ARSL: variants seen among roughly 807,000 people sequenced by gnomAD.
ARSL encodes the protein arylsulfatase L.
A neutral mutation model predicts 31.1 loss-of-function variants in ARSL; 4 were observed. That is an observed-to-expected ratio of 0.13 (90% CI 0.06 to 0.29). The LOEUF (loss-of-function observed/expected upper bound fraction) is 0.29. Among genes scored for constraint, ARSL ranks in the 10% least tolerant of loss-of-function variants. The pLI is 1.00. For synonymous variants in ARSL, 198 were observed against 209.9 expected, an observed-to-expected ratio of 0.94 and a Z score of 0.49; for missense variants, 312 against 497.8, an observed-to-expected ratio of 0.63 and a Z score of 3.55.
rs138895554 is a variant in ARSL at position 2,949,138 on chromosome X, C to T, written c.854+166G>A. The stretch of plus-strand genomic sequence containing the variant: ...TAGAGACGGGGTTTCACCATGTTGG[C>T]CAGGCTGGTCTCGAACTCCTGACCT... On this transcript the variant is annotated intron_variant, in intron 6 of 10. Coordinates refer to ENST00000381134, the MANE Select transcript of ARSL (RefSeq NM_000047.3). Among the ~76,000 whole-genome samples the T allele has an allele frequency of 0.012, 1,308 of 110,472 alleles. 23 individuals carry two copies. The highest frequency in any genetic ancestry group is 0.04 in the African/African-American group (1,220 of 30,336).
chrX:2,960,392 A>G lies in ARSL; in HGVS notation c.9T>C (p.His3=), dbSNP rs764036614. The G allele has an allele frequency of 8.4e-7, 1 of 1,195,762 alleles. No individual in the cohort carries two copies. The highest frequency in any genetic ancestry group is 1.1e-6 in the Non-Finnish European group (1 of 883,279). ML[H]LHHSCLCFRS... Reference sequence around the variant, plus strand: ...TTGTATCTTACCAAGAATGGTGCAGATGTAACATGTTGTCTCTCTCTCTAC... The same window carrying G: ...TTGTATCTTACCAAGAATGGTGCAGGTGTAACATGTTGTCTCTCTCTCTAC... The change falls in exon 2 of 11, where the codon CAT becomes CAC. Residue 3 remains histidine (H), a synonymous_variant. Coordinates refer to ENST00000381134, the MANE Select transcript of ARSL (RefSeq NM_000047.3).
intron 7 of ARSL, among the ~76,000 whole-genome samples, chrX:2,945,188 G>A (rs1374938619): frequency 1.8e-5 from 2 of 111,056 alleles, no homozygotes; most frequent in African/African-American, 6.6e-5. Context: ...AAGCATTCCA[G>A]GAGGGAACAG....
intron 4 of ARSL, among the ~76,000 whole-genome samples, chrX:2,955,073 T>C (rs2147393264): frequency 8.9e-6 from 1 of 111,997 alleles, no homozygotes; most frequent in East Asian, 2.8e-4. Flanking sequence ...GTTTGGTTTA[T>C]GCATGAAAGG....
chrX:2,944,204 C>A (rs1359762005), intron 7 of ARSL, among the ~76,000 whole-genome samples: 1 of 108,195 alleles, frequency 9.2e-6, no homozygotes, highest in East Asian at 2.9e-4. Flanking sequence ...CCCTGTAATC[C>A]CAGCACTTTG....
upstream of ARSL, among the ~76,000 whole-genome samples, chrX:2,964,978 GTC>G (rs2089685715): frequency 7.3e-5 from 8 of 109,645 alleles, no homozygotes; most frequent in South Asian, 3.2e-3. Context: ...GGTGGCATGT[GTC>G]TCTACTGCCA....
At chrX:2,937,088 C>T (rs1485733884) in intron 9 of ARSL, among the ~76,000 whole-genome samples, 1 of 112,236 alleles carries the variant, frequency 8.9e-6, no homozygotes. Context: ...CCAAACGTCA[C>T]CTTTGGCTAA....
At chrX:2,944,475 A>AAAAAAAC (rs1179778011) in intron 7 of ARSL, among the ~76,000 whole-genome samples, 4 of 31,858 alleles carry the variant, frequency 1.3e-4, no homozygotes. Flanking sequence ...AAAAAAAACA[A>AAAAAAAC]AAAAAAAAAA....
At chrX:2,937,813 G>T (rs1382027563) in intron 9 of ARSL, among the ~76,000 whole-genome samples, 1 of 111,875 alleles carries the variant, frequency 8.9e-6, no homozygotes, top group East Asian at 2.8e-4. Context: ...TGGACATACA[G>T]CTTAGAAGGT....
intron 7 of ARSL, 151 bp downstream of exon 7, chrX:2,945,847 A>T (rs2089371359): frequency 1.4e-6 from 1 of 737,417 alleles, no homozygotes; most frequent in East Asian, 3.4e-5. Flanking sequence ...TGCAGTGAAG[A>T]TCTGTGCTAT....
intron 1 of ARSL, among the ~76,000 whole-genome samples, chrX:2,960,715 T>C (rs1377876841): frequency 9.0e-6 from 1 of 111,397 alleles, no homozygotes; most frequent in African/African-American, 3.3e-5. Flanking sequence ...TTATCAGCTT[T>C]CATAGCCCAT....
rs2089171056 is a variant in ARSL, at chrX:2,934,591, T to C, written c.*241A>G. The C allele has an allele frequency of 2.7e-6, 1 of 367,972 alleles. No individual in the cohort carries two copies. Among genetic ancestry groups the C allele is most frequent in the Middle Eastern group, 7.4e-4 (1 of 1,345 alleles). The allele number at this position is 367,972 out of a possible 1,213,427, so 30.3% of individuals were successfully genotyped here. A position where few individuals can be genotyped will look rare whatever the true frequency, so the allele number is the denominator to read the frequency against. ...CCGGTGCTCAAATGATCCTCCTGCCTTAGCCTCCTGAGAAGCTAGAACTAC... is the reference window on the plus strand; with the variant it reads ...CCGGTGCTCAAATGATCCTCCTGCCCTAGCCTCCTGAGAAGCTAGAACTAC... On this transcript the variant is annotated 3_prime_UTR_variant, in exon 11 of 11. Transcript: ENST00000381134.
intron 1 of ARSL, among the ~76,000 whole-genome samples, chrX:2,961,805 G>C (rs180960257): frequency 9.1e-5 from 10 of 109,477 alleles, no homozygotes; most frequent in Admixed American, 3.9e-4. Flanking sequence ...AATAACCTTG[G>C]TCTCCACAAT....
chrX:2,946,245 C>T (rs1345669298), intron 6 of ARSL, 111 bp from the exon 7 acceptor site: 1 of 677,422 alleles, frequency 1.5e-6, no homozygotes, highest in Non-Finnish European at 2.2e-6. Flanking sequence ...CAAATGTCTT[C>T]TCAACTCTGC....
At chrX:2,952,961 A>T in intron 5 of ARSL, 182 bp downstream of exon 5, 1 of 453,023 alleles carries the variant, frequency 2.2e-6, no homozygotes, top group Non-Finnish European at 3.5e-6. Context: ...CTGAGCTGGT[A>T]TTTCTTGAGT....
Position 2,964,254 on chromosome X carries a change from G to A in ARSL, c.-51C>T, listed in dbSNP as rs1233343216. On this transcript the variant is annotated 5_prime_UTR_variant, in exon 1 of 11. Transcript: ENST00000381134. ...CTCCTGGGCTCCTTCCTGAATCCCC[G>A]ATCAAGAAGAGGAAGGTTCTCTCCC... 3 of 752,186 alleles carry A rather than the reference G, an allele frequency of 4.0e-6. No homozygotes were observed. Among genetic ancestry groups the A allele is most frequent in the Non-Finnish European group, 4.7e-6 (3 of 638,961 alleles). The allele number at this position is 752,186 out of a possible 1,213,427, so 62.0% of individuals were successfully genotyped here. A position where few individuals can be genotyped will look rare whatever the true frequency, so the allele number is the denominator to read the frequency against.
chrX:2,938,953 A>T (rs1013221001), intron 8 of ARSL, among the ~76,000 whole-genome samples: 2 of 107,898 alleles, frequency 1.9e-5, no homozygotes, highest in Non-Finnish European at 3.8e-5. Flanking sequence ...GGATGCCTGG[A>T]GCCCCCGGTA....
chrX:2,940,562 G>T (rs760709789), intron 8 of ARSL, among the ~76,000 whole-genome samples: 83 of 111,445 alleles, frequency 7.4e-4, no homozygotes, highest in South Asian at 4.2e-3. Context: ...TTTGGGTGAT[G>T]GATGTTAGCA....
intron 1 of ARSL, 41 bp downstream of exon 1, chrX:2,964,183 G>C (rs751708548): frequency 9.3e-6 from 7 of 752,203 alleles, no homozygotes; most frequent in Middle Eastern, 7.5e-4. Context: ...GCCTGGTCAC[G>C]GAGCCCAAAT....
intron 1 of ARSL, among the ~76,000 whole-genome samples, chrX:2,961,926 G>A (rs1047543026): frequency 9.5e-6 from 1 of 105,435 alleles, no homozygotes; most frequent in South Asian, 4.4e-4. Context: ...TGTTGCCCAG[G>A]CTGGAGTGCA....
Sources: allele counts gnomAD v4.1 joint callset (sites outside exome capture counted in the v4.1 genomes callset), GRCh38; gene constraint gnomAD v4.1.1; transcripts MANE v1.5; gene names NCBI Gene and HGNC (gene_info 2026-07-23, HGNC 2026-07-21).